CAMK1D: variants seen among roughly 807,000 people sequenced by gnomAD.
CAMK1D encodes the protein calcium/calmodulin dependent protein kinase ID.
CAMK1D carries 9 observed loss-of-function variants against 47.7 expected under a neutral mutation model. The ratio of observed to expected loss-of-function variants is 0.19; its 90% CI spans 0.11 to 0.33. CAMK1D has a LOEUF of 0.33. CAMK1D is among the 10% of genes least tolerant of loss of function. The pLI, the probability that CAMK1D is intolerant of heterozygous loss-of-function variation, is 1.00. For synonymous variants in CAMK1D, 184 were observed against 184.9 expected (o/e 0.99, Z 0.04); for missense variants, 291 against 488.7 (o/e 0.60, Z 3.81).
chr10:12,406,600 G>A (rs1839434461), intron 1 of CAMK1D, among the ~76,000 whole-genome samples: 1 of 151,666 alleles, frequency 6.6e-6, no homozygotes, highest in Non-Finnish European at 1.5e-5. Context: ...GTGCAAGTCT[G>A]TAGTCTCAGC....
At chr10:12,765,285 A>G (rs1836696397) in intron 4 of CAMK1D, among the ~76,000 whole-genome samples, 1 of 152,176 alleles carries the variant, frequency 6.6e-6, no homozygotes, top group Non-Finnish European at 1.5e-5. Context: ...ACCACTTGAC[A>G]TGGTAAGGAA....
intron 1 of CAMK1D, among the ~76,000 whole-genome samples, chr10:12,364,307 T>C (rs1179568013): frequency 1.4e-5 from 2 of 146,990 alleles, no homozygotes; most frequent in Non-Finnish European, 3.0e-5. Flanking sequence ...AGTGGCATGA[T>C]CTCGGCTCAC....
intron 1 of CAMK1D, among the ~76,000 whole-genome samples, chr10:12,357,071 C>G (rs1361898770): frequency 6.6e-6 from 1 of 152,128 alleles, no homozygotes; most frequent in Non-Finnish European, 1.5e-5. Context: ...GCTTCTCCTC[C>G]TCTCTCCTCT....
intron 1 of CAMK1D, among the ~76,000 whole-genome samples, chr10:12,469,916 T>C (rs12414380): frequency 0.012 from 1,900 of 152,302 alleles, 82 homozygotes; most frequent in Admixed American, 0.091. Context: ...ACCATTCTTC[T>C]TAAGTATCGA....
Position 12,833,916 on chromosome 10 carries a change from TAAAAAAAAAAAA to T in CAMK1D, c.*5040_*5051del, listed in dbSNP as rs72457518. On this transcript the variant is annotated 3_prime_UTR_variant, in exon 11 of 11. Coordinates refer to ENST00000619168, the MANE Select transcript of CAMK1D (RefSeq NM_153498.4). ...CCAGACCAAACACTGTTCAGTTTGT[TAAAAAAAAAAAA>T]AAAAAAAAAAGATGTATATACCTGT... 1 of 119,418 alleles carries T rather than the reference TAAAAAAAAAAAA, an allele frequency of 8.4e-6. No individual in the cohort carries two copies. The highest frequency in any genetic ancestry group is 1.7e-5 in the Non-Finnish European group (1 of 58,390). 7.4% of individuals were successfully genotyped at this position (119,418 alleles called of 1,614,324 possible).
chr10:12,717,891 C>CAAAAA (rs1181845465), intron 3 of CAMK1D, among the ~76,000 whole-genome samples: 1 of 52,908 alleles, frequency 1.9e-5, no homozygotes, highest in African/African-American at 7.0e-5. Context: ...GAGACCCTGT[C>CAAAAA]AAAAAAAAAA....
rs372606660 is a variant in CAMK1D at position 12,613,944 on chromosome 10, C to T, written c.225-52792C>T. Reference sequence around the variant, plus strand: ...TTGGCCTGTAAGTGCGGGAGTCTGACGGCAGAGGCTGTGTAATAATACCAT... The same window carrying T: ...TTGGCCTGTAAGTGCGGGAGTCTGATGGCAGAGGCTGTGTAATAATACCAT... On this transcript the variant is annotated intron_variant, in intron 2 of 10. Coordinates refer to ENST00000619168, the MANE Select transcript of CAMK1D (RefSeq NM_153498.4). Among the ~76,000 whole-genome samples the T allele has an allele frequency of 1.9e-4, 29 of 152,300 alleles. 2 individuals carry two copies. The highest frequency in any genetic ancestry group is 1.2e-3 in the Admixed American group (19 of 15,302).
intron 1 of CAMK1D, among the ~76,000 whole-genome samples, chr10:12,465,084 C>T (rs1030995538): frequency 2.0e-5 from 3 of 152,124 alleles, no homozygotes; most frequent in Admixed American, 6.5e-5. Flanking sequence ...CCATAAAGCA[C>T]GCAGTTTGTG....
intron 1 of CAMK1D, among the ~76,000 whole-genome samples, chr10:12,467,296 G>A (rs1833621146): frequency 6.6e-6 from 1 of 152,116 alleles, no homozygotes; most frequent in Admixed American, 6.6e-5. Flanking sequence ...GGGATTACAG[G>A]TAGCTGCCAC....
At chr10:12,736,314 G>A (rs1236521987) in intron 3 of CAMK1D, among the ~76,000 whole-genome samples, 1 of 152,130 alleles carries the variant, frequency 6.6e-6, no homozygotes, top group Non-Finnish European at 1.5e-5. Context: ...CCAAGGAGTG[G>A]TATAAGAGCA....
intron 1 of CAMK1D, among the ~76,000 whole-genome samples, chr10:12,454,356 G>A (rs1256217782): frequency 1.3e-5 from 2 of 151,812 alleles, no homozygotes; most frequent in Admixed American, 1.3e-4. Flanking sequence ...TAGAGACGGG[G>A]CTTTACCGTG....
intron 3 of CAMK1D, among the ~76,000 whole-genome samples, chr10:12,745,638 T>C (rs1235386633): frequency 6.6e-6 from 1 of 151,712 alleles, no homozygotes; most frequent in Non-Finnish European, 1.5e-5. Context: ...GTTTCGCTCT[T>C]GTTGCCCAGG....
At chr10:12,657,925 C>T (rs1002209762) in intron 2 of CAMK1D, among the ~76,000 whole-genome samples, 5 of 151,912 alleles carry the variant, frequency 3.3e-5, no homozygotes, top group Admixed American at 6.6e-5. Flanking sequence ...CTGAGGCGGG[C>T]GGATCAACTG....
chr10:12,764,083 A>G (rs1263536721), intron 4 of CAMK1D, among the ~76,000 whole-genome samples: 1 of 152,162 alleles, frequency 6.6e-6, no homozygotes, highest in Non-Finnish European at 1.5e-5. Flanking sequence ...TCTTGGGCCA[A>G]TTAAAAGTAT....
rs527247621 is a variant in CAMK1D, at chr10:12,393,796, G to A, written c.92+43886G>A. Among the ~76,000 whole-genome samples the A allele has an allele frequency of 8.5e-5, 13 of 152,356 alleles. No homozygotes were observed. The South Asian group carries it at 2.3e-3, about 27-fold the overall frequency. ...GACATGCCGGCCAGAACACTACCCT[G>A]AAGATGACAGTGTTGACATCAAGGG... On this transcript the variant is annotated intron_variant, in intron 1 of 10. Transcript: ENST00000619168.
intron 3 of CAMK1D, among the ~76,000 whole-genome samples, chr10:12,747,953 G>T (rs569472133): frequency 6.6e-6 from 1 of 152,284 alleles, no homozygotes; most frequent in Non-Finnish European, 1.5e-5. Context: ...TTTGTCTACC[G>T]GTTTAAATGT....
At chr10:12,560,555 G>GAAAAAAAAAAAAA in intron 2 of CAMK1D, among the ~76,000 whole-genome samples, 1 of 105,646 alleles carries the variant, frequency 9.5e-6, no homozygotes, top group Non-Finnish European at 1.9e-5. Context: ...CTCTATCTCG[G>GAAAAAAAAAAAAA]AAAAAAAAAA....
At chr10:12,757,935 T>C (rs1564539714) in intron 3 of CAMK1D, among the ~76,000 whole-genome samples, 2 of 145,532 alleles carry the variant, frequency 1.4e-5, no homozygotes, top group African/African-American at 5.1e-5. Context: ...CACCGCAATC[T>C]CTGCCTCCCC....
chr10:12,511,830 T>C (rs755863201), intron 1 of CAMK1D, among the ~76,000 whole-genome samples: 6 of 152,242 alleles, frequency 3.9e-5, no homozygotes, highest in Non-Finnish European at 5.9e-5. Context: ...ACAGTGATCA[T>C]GACGATGAAT....
Sources: gnomAD v4.1 joint callset for allele counts (sites outside exome capture counted in the v4.1 genomes callset) on GRCh38, gnomAD v4.1.1 for gene constraint, MANE v1.5 for transcripts, NCBI Gene and HGNC (gene_info 2026-07-23, HGNC 2026-07-21) for gene names.